The following RXFP2 variants were observed in gnomAD, a reference collection of about 807,000 sequenced individuals.
The protein encoded by RXFP2 is relaxin receptor 2.
Under a neutral mutation model 88.6 loss-of-function variants are expected in RXFP2, and 68 were observed. That is an observed-to-expected ratio of 0.77 (90% CI 0.63 to 0.94). The LOEUF is 0.94. RXFP2 is among the 40% of genes least tolerant of loss of function. The pLI is 0.00. For missense variants in RXFP2, 791 were observed against 893.9 expected, an observed-to-expected ratio of 0.88 and a Z score of 1.47; for synonymous variants, 329 against 306.8, an observed-to-expected ratio of 1.07 and a Z score of -0.76.
At chr13:31,757,038 G>T (rs927017662) in intron 1 of RXFP2, among the ~76,000 whole-genome samples, 4 of 152,084 alleles carry the variant, frequency 2.6e-5, no homozygotes, top group Non-Finnish European at 2.9e-5. Context: ...CATTTAAATT[G>T]CTAGAATTGT....
chr13:31,778,789 C>T (rs1873118395), intron 9 of RXFP2, among the ~76,000 whole-genome samples: 1 of 152,128 alleles, frequency 6.6e-6, no homozygotes, highest in Non-Finnish European at 1.5e-5. Flanking sequence ...CATCCAAGAC[C>T]CTCATTTTCC....
chr13:31,743,728 C>G (rs1410557757), intron 1 of RXFP2, among the ~76,000 whole-genome samples: 1 of 151,962 alleles, frequency 6.6e-6, no homozygotes, highest in Non-Finnish European at 1.5e-5. Flanking sequence ...GTCTTTTCTC[C>G]ATTTTCATGT....
Position 31,791,947 on chromosome 13 carries a change from C to T in RXFP2, c.1287C>T (p.Thr429=). 1 of 1,614,152 alleles carries T rather than the reference C, an allele frequency of 6.2e-7. No individual in the cohort carries two copies. Among genetic ancestry groups the T allele is most frequent in the Non-Finnish European group, 8.5e-7 (1 of 1,180,000 alleles). ...TTGTCTGGGTTATAGCTTTCATTAC[C>T]TGCTTTGGAAATCTTTTTGTCATTG... ...RIFVWVIAFI[T]CFGNLFVIGM... The change falls in exon 15 of 18, where the codon ACC becomes ACT. Residue 429 remains threonine, a synonymous_variant. Transcript: ENST00000298386.
At chr13:31,780,856 C>G (rs546460331) in intron 9 of RXFP2, among the ~76,000 whole-genome samples, 18 of 152,308 alleles carry the variant, frequency 1.2e-4, no homozygotes, top group African/African-American at 4.3e-4. Flanking sequence ...CTTGCTGAGA[C>G]ACAGATGGCT....
At chr13:31,794,918 AATC>A (rs966992776) in intron 16 of RXFP2, among the ~76,000 whole-genome samples, 15 of 152,150 alleles carry the variant, frequency 9.9e-5, no homozygotes, top group South Asian at 2.1e-4. Context: ...ACACTCACAA[AATC>A]ATCATCATCA....
intron 3 of RXFP2, 119 bp downstream of exon 3, chr13:31,761,920 T>C: frequency 1.4e-6 from 1 of 697,728 alleles, no homozygotes. Flanking sequence ...GTTCAATGTA[T>C]TTCACTGGCT....
At position 31,792,577 on chromosome 13, in the gene RXFP2, G is replaced by C; in HGVS notation, c.1376-101G>C. ...ATTTGATATAAGATGAAAGGAACTA[G>C]ATCTAATTAGAAAATTAAAATGCTG... On this transcript the variant is annotated intron_variant, in intron 15 of 17. Coordinates refer to ENST00000298386, the MANE Select transcript of RXFP2 (RefSeq NM_130806.5). 5.3e-6 allele frequency: 6 copies of C among 1,133,522 alleles called. No homozygotes were observed. The Middle Eastern group carries it at 1.0e-3, about 198-fold the overall frequency. The allele number at this position is 1,133,522 out of a possible 1,614,324, so 70.2% of individuals were successfully genotyped here. A position where few individuals can be genotyped will look rare whatever the true frequency, so the allele number is the denominator to read the frequency against.
intron 11 of RXFP2, among the ~76,000 whole-genome samples, chr13:31,785,061 G>C (rs1301581538): frequency 6.6e-6 from 1 of 152,110 alleles, no homozygotes; most frequent in Non-Finnish European, 1.5e-5. Flanking sequence ...CAAAGTCCTT[G>C]ACACAGTTCT....
intron 1 of RXFP2, among the ~76,000 whole-genome samples, chr13:31,743,381 T>A (rs1338029368): frequency 6.6e-6 from 1 of 151,908 alleles, no homozygotes; most frequent in Non-Finnish European, 1.5e-5. Context: ...GGCAAGAAGA[T>A]TGCTTGAACC....
At chr13:31,795,292 G>A (rs1873976814) in intron 16 of RXFP2, among the ~76,000 whole-genome samples, 1 of 151,964 alleles carries the variant, frequency 6.6e-6, no homozygotes, top group Non-Finnish European at 1.5e-5. Context: ...TGGGATTACA[G>A]GTGCCCACCA....
intron 7 of RXFP2, among the ~76,000 whole-genome samples, chr13:31,776,110 C>T (rs1479201400): frequency 1.4e-5 from 2 of 138,256 alleles, no homozygotes; most frequent in Non-Finnish European, 3.1e-5. Context: ...TCTTTTCTTT[C>T]TTTCTTTCTT....
intron 15 of RXFP2, 75 bp downstream of exon 15, chr13:31,792,110 T>G: frequency 9.0e-7 from 1 of 1,104,992 alleles, no homozygotes; most frequent in South Asian, 1.4e-5. Context: ...TATGTATTTA[T>G]TGGCTTTCAA....
chr13:31,750,690 A>T (rs7994300), intron 1 of RXFP2, among the ~76,000 whole-genome samples: 5,579 of 152,288 alleles, frequency 0.037, 253 homozygotes, highest in African/African-American at 0.1. Flanking sequence ...GATGTGTCAA[A>T]TGCAGAAAAC....
In RXFP2 at chr13:31,802,584, C is replaced by G. The variant is rs753233482; in HGVS notation, c.*179C>G. 5.8e-6 allele frequency: 4 copies of G among 692,748 alleles called. No individual in the cohort carries two copies. The highest frequency in any genetic ancestry group is 3.5e-5 in the African/African-American group (2 of 56,624). The allele number at this position is 692,748 out of a possible 1,614,324, so 42.9% of individuals were successfully genotyped here. A position where few individuals can be genotyped will look rare whatever the true frequency, so the allele number is the denominator to read the frequency against. ...GCAGCTGTACTATCTACCAACCATG[C>G]TGAGGACAGCACCAAAGGTTCCTCT... is the stretch of plus-strand genomic sequence containing the variant. On this transcript the variant is annotated 3_prime_UTR_variant, in exon 18 of 18. Coordinates refer to ENST00000298386, the MANE Select transcript of RXFP2 (RefSeq NM_130806.5).
At chr13:31,759,387 AAGAAAGAAAGAAAGAAAGAAAG>A (rs1442087508) in intron 2 of RXFP2, among the ~76,000 whole-genome samples, 2 of 136,494 alleles carry the variant, frequency 1.5e-5, no homozygotes, top group South Asian at 5.3e-4. Flanking sequence ...GAAAGAAAGA[AAGAAAGAAAGAAAGAAAGAAAG>A]AAAGAAAGAA....
intron 15 of RXFP2, among the ~76,000 whole-genome samples, chr13:31,792,352 T>C (rs1294124395): frequency 6.6e-6 from 1 of 152,206 alleles, no homozygotes; most frequent in Non-Finnish European, 1.5e-5. Flanking sequence ...CCTATGCTCA[T>C]TAGGCCTGGA....
At chr13:31,790,064 A>C (rs1421033353) in intron 14 of RXFP2, among the ~76,000 whole-genome samples, 1 of 152,308 alleles carries the variant, frequency 6.6e-6, no homozygotes, top group South Asian at 2.1e-4. Flanking sequence ...TTGATGGAGA[A>C]ACTGCTGTGT....
At chr13:31,784,450 A>C (rs1480345190) in intron 11 of RXFP2, among the ~76,000 whole-genome samples, 5 of 152,186 alleles carry the variant, frequency 3.3e-5, no homozygotes, top group African/African-American at 9.7e-5. Context: ...CAAGTACTTG[A>C]GACCCCCAAA....
chr13:31,785,365 A>G (rs1873485833), intron 11 of RXFP2, among the ~76,000 whole-genome samples: 1 of 152,058 alleles, frequency 6.6e-6, no homozygotes, highest in Non-Finnish European at 1.5e-5. Flanking sequence ...TGAAAGTGTC[A>G]CTGAATTCCA....
Sources: allele counts gnomAD v4.1 joint callset (sites outside exome capture counted in the v4.1 genomes callset), GRCh38; gene constraint gnomAD v4.1.1; transcripts MANE v1.5; gene names NCBI Gene and HGNC (gene_info 2026-07-23, HGNC 2026-07-21).